LDLRAD4: variants seen among roughly 807,000 people sequenced by gnomAD.
LDLRAD4 encodes the protein low-density lipoprotein receptor class A domain-containing protein 4.
In LDLRAD4, 5 loss-of-function variants were observed where a neutral mutation model predicts 17.0. That is an observed-to-expected ratio of 0.29 (90% confidence interval 0.15 to 0.62). The LOEUF is 0.62. Among genes scored for constraint, LDLRAD4 ranks in the 20% least tolerant of loss-of-function variants. The probability of loss-of-function intolerance (pLI) is 0.84; values close to 1 mark genes in which losing one functional copy is unlikely to be tolerated. For synonymous variants in LDLRAD4, 168 were observed against 171.8 expected (o/e 0.98, Z 0.17); for missense variants, 340 against 424.7 (o/e 0.80, Z 1.75).
At chr18:13,363,546 C>T (rs758294808) in intron 1 of LDLRAD4, among the ~76,000 whole-genome samples, 18 of 152,136 alleles carry the variant, frequency 1.2e-4, no homozygotes, top group Non-Finnish European at 2.4e-4. Flanking sequence ...TGCATCGTGT[C>T]AGAGGAGCCT....
intron 1 of LDLRAD4, among the ~76,000 whole-genome samples, chr18:13,310,527 G>A (rs908800708): frequency 6.6e-6 from 1 of 152,200 alleles, no homozygotes; most frequent in Non-Finnish European, 1.5e-5. Context: ...CATGGGTGTG[G>A]AAGAACCAGG....
At chr18:13,604,329 G>C (rs926248251) in intron 3 of LDLRAD4, among the ~76,000 whole-genome samples, 2 of 152,220 alleles carry the variant, frequency 1.3e-5, no homozygotes, top group South Asian at 2.1e-4. Context: ...ACGGGTGCAG[G>C]CCTGCTGCCC....
intron 4 of LDLRAD4, among the ~76,000 whole-genome samples, chr18:13,627,214 T>G (rs2041250139): frequency 6.6e-6 from 1 of 152,128 alleles, no homozygotes; most frequent in Non-Finnish European, 1.5e-5. Context: ...TGAGCTGAGA[T>G]CACGCCATTG....
rs138714496 is a variant in LDLRAD4 at position 13,480,060 on chromosome 18, G to A, written c.181+41676G>A. Reference sequence around the variant, plus strand: ...ATATGATCCAACAATTGTGCTCCTCGGTATTTACACAGAGGAATTGAAACA... The same window carrying A: ...ATATGATCCAACAATTGTGCTCCTCAGTATTTACACAGAGGAATTGAAACA... On this transcript the variant is annotated intron_variant, in intron 3 of 5. Transcript: ENST00000359446. 2.8e-3 allele frequency among the ~76,000 whole-genome samples: 423 copies of A among 152,166 alleles called. 1 individual carries two copies. The highest frequency in any genetic ancestry group is 9.6e-3 in the African/African-American group (398 of 41,526).
At chr18:13,485,749 C>A (rs2093207416) in intron 3 of LDLRAD4, among the ~76,000 whole-genome samples, 1 of 152,170 alleles carries the variant, frequency 6.6e-6, no homozygotes, top group Non-Finnish European at 1.5e-5. Context: ...AGCGGTGGCT[C>A]ACGCCTGGAA....
At chr18:13,434,978 T>C (rs1243809654) in intron 2 of LDLRAD4, among the ~76,000 whole-genome samples, 1 of 152,228 alleles carries the variant, frequency 6.6e-6, no homozygotes, top group African/African-American at 2.4e-5. Flanking sequence ...AGATAGGACC[T>C]GTCTGGGACT....
intron 2 of LDLRAD4, among the ~76,000 whole-genome samples, chr18:13,429,430 A>G (rs139315733): frequency 0.012 from 1,793 of 152,296 alleles, 13 homozygotes; most frequent in Non-Finnish European, 0.019. Flanking sequence ...TCTCGTGGGA[A>G]TGGCCGTGTG....
chr18:13,232,570 T>C (rs1389050179), intron 1 of LDLRAD4, among the ~76,000 whole-genome samples: 2 of 152,148 alleles, frequency 1.3e-5, no homozygotes, highest in African/African-American at 2.4e-5. Flanking sequence ...GGGCTGCTGC[T>C]GCCCCGTGCT....
chr18:13,362,044 G>C (rs1373417639), intron 1 of LDLRAD4, among the ~76,000 whole-genome samples: 1 of 152,022 alleles, frequency 6.6e-6, no homozygotes, highest in Non-Finnish European at 1.5e-5. Flanking sequence ...GCGTACACTT[G>C]TGATTGTCAC....
chr18:13,301,321 A>G (rs2046585683), intron 1 of LDLRAD4, among the ~76,000 whole-genome samples: 1 of 151,994 alleles, frequency 6.6e-6, no homozygotes, highest in African/African-American at 2.4e-5. Flanking sequence ...GTGCTGGACC[A>G]GATGAGCTTG....
At chr18:13,333,878 A>G (rs1283921540) in intron 1 of LDLRAD4, among the ~76,000 whole-genome samples, 1 of 152,228 alleles carries the variant, frequency 6.6e-6, no homozygotes, top group Admixed American at 6.5e-5. Flanking sequence ...TGTGTTGGCT[A>G]CTGTGAGTGT....
At chr18:13,383,518 A>G (rs1032270277) in intron 1 of LDLRAD4, among the ~76,000 whole-genome samples, 3 of 152,360 alleles carry the variant, frequency 2.0e-5, no homozygotes, top group African/African-American at 7.2e-5. Context: ...GCTCATGAGC[A>G]GGAGGCTCAC....
chr18:13,566,003 G>A (rs1357196990), intron 3 of LDLRAD4, among the ~76,000 whole-genome samples: 5 of 152,216 alleles, frequency 3.3e-5, no homozygotes, highest in African/African-American at 1.2e-4. Flanking sequence ...AGTCCAACAA[G>A]CCTGGGCCAT....
chr18:13,513,604 CGT>C (rs1568281701), intron 3 of LDLRAD4, among the ~76,000 whole-genome samples: 2 of 152,154 alleles, frequency 1.3e-5, no homozygotes, highest in African/African-American at 4.8e-5. Context: ...CCACCTTCAT[CGT>C]CTTCATCAGT....
intron 3 of LDLRAD4, among the ~76,000 whole-genome samples, chr18:13,468,516 A>T (rs953514347): frequency 6.6e-6 from 1 of 152,174 alleles, no homozygotes; most frequent in Non-Finnish European, 1.5e-5. Flanking sequence ...ACCCAAAGGA[A>T]TATAAATCAT....
intron 1 of LDLRAD4, chr18:13,366,387 C>T (rs184321721): frequency 6.6e-6 from 1 of 152,330 alleles, no homozygotes; most frequent in African/African-American, 2.4e-5. Flanking sequence ...GCATGGTTTC[C>T]TCCTGGTATT....
intron 3 of LDLRAD4, among the ~76,000 whole-genome samples, chr18:13,573,380 C>G (rs1353191062): frequency 6.6e-6 from 1 of 151,248 alleles, no homozygotes; most frequent in Non-Finnish European, 1.5e-5. Context: ...GCTGGGATTA[C>G]AGGTACCCAT....
intron 4 of LDLRAD4, among the ~76,000 whole-genome samples, chr18:13,633,894 C>T (rs1001814403): frequency 6.6e-6 from 1 of 152,214 alleles, no homozygotes; most frequent in African/African-American, 2.4e-5. Context: ...TCCTGGCTCT[C>T]ACCGGCTCCG....
At chr18:13,451,538 C>A (rs560394110) in intron 3 of LDLRAD4, among the ~76,000 whole-genome samples, 1 of 152,172 alleles carries the variant, frequency 6.6e-6, no homozygotes, top group Admixed American at 6.5e-5. Context: ...GCCAATTAAG[C>A]CTCTTTTCTT....
Sources: allele counts gnomAD v4.1 joint callset (sites outside exome capture counted in the v4.1 genomes callset), GRCh38; gene constraint gnomAD v4.1.1; transcripts MANE v1.5; gene names NCBI Gene and HGNC (gene_info 2026-07-23, HGNC 2026-07-21).